Variants in LMNA observed in about 807,000 individuals in gnomAD.
The protein encoded by LMNA is lamin.
A neutral mutation model predicts 70.4 loss-of-function variants in LMNA; 20 were observed. That is an observed-to-expected ratio of 0.28 (90% confidence interval 0.20 to 0.41). The LOEUF (loss-of-function observed/expected upper bound fraction) is 0.41. Ranked by LOEUF, LMNA falls within the 10% of genes least tolerant of loss-of-function variation. LMNA has a pLI of 1.00. For synonymous variants in LMNA, 339 were observed against 372.8 expected (o/e 0.91, Z 1.04); for missense variants, 652 against 917.2 (o/e 0.71, Z 3.73).
At chr1:156,102,001 G>A (rs1235572619) in intron 3 of LMNA, among the ~76,000 whole-genome samples, 1 of 152,200 alleles carries the variant, frequency 6.6e-6, no homozygotes, top group Non-Finnish European at 1.5e-5. Context: ...CCTGGTCTGG[G>A]AATACTTGGG....
Position 156,137,880 on chromosome 1 carries a change from C to A in LMNA, c.1698+137C>A. ...TTTGGAACTTTACTCGCTGGCCTGGCCTTTCTTCTCTCTCCTCCCTATACC... is the reference window on the plus strand; with the variant it reads ...TTTGGAACTTTACTCGCTGGCCTGGACTTTCTTCTCTCTCCTCCCTATACC... On this transcript the variant is annotated intron_variant, in intron 10 of 11. Coordinates refer to ENST00000368300, the MANE Select transcript of LMNA (RefSeq NM_170707.4). The surrounding 1 kb of genome is among the most constrained non-coding windows in gnomAD (Gnocchi z 4.6). 6.6e-7 allele frequency: 1 copy of A among 1,510,776 alleles called. No homozygotes were observed. The allele number at this position is 1,510,776 out of a possible 1,614,324, so 93.6% of individuals were successfully genotyped here.
chr1:156,088,804 C>A (rs1648581190), intron 2 of LMNA, among the ~76,000 whole-genome samples: 1 of 152,172 alleles, frequency 6.6e-6, no homozygotes, highest in Admixed American at 6.5e-5. Context: ...CATGTGCCAC[C>A]ACAACTGGCT....
At chr1:156,130,978 A>C (rs1281820590) in intron 2 of LMNA, among the ~76,000 whole-genome samples, 1 of 152,186 alleles carries the variant, frequency 6.6e-6, no homozygotes, top group Non-Finnish European at 1.5e-5. Context: ...GTGAATTTAA[A>C]ATAATCCAGG....
rs12058407 is a variant in LMNA at position 156,137,384 on chromosome 1, A to G, written c.1608+152A>G. 4.3e-3 allele frequency: 4,338 copies of G among 1,018,870 alleles called. 142 individuals are homozygous for G. The African/African-American group carries it at 0.061, about 14-fold the overall frequency. The allele number at this position is 1,018,870 out of a possible 1,614,324, so 63.1% of individuals were successfully genotyped here. A position where few individuals can be genotyped will look rare whatever the true frequency, so the allele number is the denominator to read the frequency against. On this transcript the variant is annotated intron_variant, in intron 9 of 11. Transcript: ENST00000368300. This position sits in a 1 kb window ranked among gnomAD's most constrained non-coding sequence, Gnocchi z 4.6. ...CCAGACTTCTCCACCCAGTAGGCAAACCAAAAGATGCTTCCTCAACAGCAC... is the reference window on the plus strand; with the variant it reads ...CCAGACTTCTCCACCCAGTAGGCAAGCCAAAAGATGCTTCCTCAACAGCAC...
chr1:156,135,441 C>T lies in LMNA; in HGVS notation c.936+129C>T. On this transcript the variant is annotated intron_variant, in intron 5 of 11. Transcript: ENST00000368300. This position sits in a 1 kb window ranked among gnomAD's most constrained non-coding sequence, Gnocchi z 4.8. ...GGAGGAGAGGGATGAAAAGTGTCCC[C>T]ACAACCACAGAGAAGGGTCGCAGGA... 1 of 1,239,846 alleles carries T rather than the reference C, an allele frequency of 8.1e-7. No individual in the cohort carries two copies. The highest frequency in any genetic ancestry group is 1.1e-6 in the Non-Finnish European group (1 of 876,270). 76.8% of individuals were successfully genotyped at this position (1,239,846 alleles called of 1,614,324 possible).
chr1:156,112,170 G>A (rs535926933), upstream of LMNA, among the ~76,000 whole-genome samples: 122 of 152,158 alleles, frequency 8.0e-4, no homozygotes, highest in African/African-American at 2.8e-3. Context: ...TAATCCCAGC[G>A]CTTTGGAAGG....
At position 156,137,982 on chromosome 1, in the gene LMNA, A is replaced by G. The variant is rs1651816727; in HGVS notation, c.1698+239A>G. ...TGGGAACTTTCTGATGCCATGGAAT[A>G]TTCCTGTGGGAGCAGTGGACAAGGG... is the stretch of plus-strand genomic sequence containing the variant. On this transcript the variant is annotated intron_variant, in intron 10 of 11. Transcript: ENST00000368300. The surrounding 1 kb of genome is among the most constrained non-coding windows in gnomAD (Gnocchi z 4.6). 1.3e-6 allele frequency: 1 copy of G among 794,572 alleles called. No individual in the cohort carries two copies. The highest frequency in any genetic ancestry group is 2.8e-5 in the East Asian group (1 of 36,334). The allele number at this position is 794,572 out of a possible 1,614,324, so 49.2% of individuals were successfully genotyped here. A position where few individuals can be genotyped will look rare whatever the true frequency, so the allele number is the denominator to read the frequency against.
chr1:156,108,659 G>A (rs1326254908), intron 3 of LMNA, among the ~76,000 whole-genome samples: 3 of 152,030 alleles, frequency 2.0e-5, no homozygotes, highest in East Asian at 1.9e-4. Flanking sequence ...CCAGCTACTC[G>A]GGAGGCTGAG....
At chr1:156,112,094 CCTT>C (rs1190423654), upstream of LMNA, among the ~76,000 whole-genome samples, 2 of 152,188 alleles carry the variant, frequency 1.3e-5, no homozygotes, top group South Asian at 2.1e-4. Flanking sequence ...TGAAAGCCCT[CCTT>C]CTTTCTCCTG....
intron 1 of LMNA, chr1:156,127,023 AC>A: frequency 8.7e-7 from 1 of 1,144,268 alleles, no homozygotes; most frequent in Non-Finnish European, 1.2e-6. Context: ...GGCCTGCCCC[AC>A]CCTGTCCTCC....
At chr1:156,086,138 G>C (rs1012381309) in intron 2 of LMNA, among the ~76,000 whole-genome samples, 1 of 152,222 alleles carries the variant, frequency 6.6e-6, no homozygotes, top group African/African-American at 2.4e-5. Context: ...GGCCCTGGTT[G>C]TTCTCCCCTT....
intron 3 of LMNA, among the ~76,000 whole-genome samples, chr1:156,096,995 G>T (rs746369182): frequency 6.6e-6 from 1 of 152,206 alleles, no homozygotes; most frequent in Non-Finnish European, 1.5e-5. Flanking sequence ...AGCCTAACAC[G>T]GCAGGGAAGG....
At chr1:156,133,592 A>G (rs1427900794) in intron 2 of LMNA, among the ~76,000 whole-genome samples, 2 of 151,966 alleles carry the variant, frequency 1.3e-5, no homozygotes, top group South Asian at 2.1e-4. Context: ...AAAAATAAAA[A>G]AAAGAAAATC....
In LMNA at chr1:156,138,837, G is replaced by A. The variant is rs149646529; in HGVS notation, c.1968+80G>A. On this transcript the variant is annotated intron_variant, in intron 11 of 11. Transcript: ENST00000368300. The surrounding 1 kb of genome is among the most constrained non-coding windows in gnomAD (Gnocchi z 5.5). ...GGGGTAGGACGAGGTGGCCTTGCAG[G>A]GGGGAGAGCCTGCCTTCTCTTCCGC... 3.0e-5 allele frequency: 48 copies of A among 1,580,566 alleles called. No homozygotes were observed. The highest frequency in any genetic ancestry group is 1.4e-4 in the Admixed American group (8 of 58,856).
Position 156,139,706 on chromosome 1 carries a change from C to T in LMNA, c.*600C>T. ...CGCCCCCAGTCCCCACCCCTGCCCC[C>T]AGCCCCGGGGTGAGTCCATTCTCCC... On this transcript the variant is annotated 3_prime_UTR_variant, in exon 12 of 12. Coordinates refer to ENST00000368300, the MANE Select transcript of LMNA (RefSeq NM_170707.4). 1 of 1,526,932 alleles carries T rather than the reference C, an allele frequency of 6.5e-7. No homozygotes were observed. The highest frequency in any genetic ancestry group is 2.5e-5 in the East Asian group (1 of 40,428). The allele number at this position is 1,526,932 out of a possible 1,614,324, so 94.6% of individuals were successfully genotyped here.
At chr1:156,084,370 T>C (rs1292945180) in intron 2 of LMNA, among the ~76,000 whole-genome samples, 2 of 150,326 alleles carry the variant, frequency 1.3e-5, no homozygotes, top group Non-Finnish European at 3.0e-5. Context: ...GGGATTTTTT[T>C]CCTTTGCTAG....
At chr1:156,112,475 G>A (rs376533198), upstream of LMNA, among the ~76,000 whole-genome samples, 7 of 152,312 alleles carry the variant, frequency 4.6e-5, no homozygotes, top group Admixed American at 6.5e-5. Context: ...GCTGGGTAGG[G>A]GAAAAGGGGG....
At chr1:156,095,903 C>T (rs1429652664) in intron 3 of LMNA, among the ~76,000 whole-genome samples, 1 of 152,238 alleles carries the variant, frequency 6.6e-6, no homozygotes, top group Non-Finnish European at 1.5e-5. Context: ...CCCAGGCAGC[C>T]TTCACAGACT....
upstream of LMNA, among the ~76,000 whole-genome samples, chr1:156,114,214 C>A (rs1198757700): frequency 1.3e-5 from 2 of 152,116 alleles, no homozygotes; most frequent in African/African-American, 4.8e-5. Flanking sequence ...GGGCTGCCCA[C>A]GTGTGGAGGG....
Sources: allele counts gnomAD v4.1 joint callset (sites outside exome capture counted in the v4.1 genomes callset), GRCh38; gene constraint gnomAD v4.1.1; non-coding constraint Gnocchi (gnomAD v3.1); transcripts MANE v1.5; gene names NCBI Gene and HGNC (gene_info 2026-07-23, HGNC 2026-07-21).